MGLL: variants seen among roughly 807,000 people sequenced by gnomAD.
MGLL encodes lysophospholipase homolog.
A neutral mutation model predicts 29.1 loss-of-function variants in MGLL; 7 were observed. The observed-to-expected ratio is 0.24, with a 90% CI of 0.14 to 0.45. The LOEUF (loss-of-function observed/expected upper bound fraction) is 0.45, where lower values mean the gene tolerates loss of function less well. Ranked by LOEUF, MGLL falls within the 20% of genes least tolerant of loss-of-function variation. MGLL has a pLI of 0.99. For missense variants in MGLL, 356 were observed against 413.6 expected, an observed-to-expected ratio of 0.86 and a Z score of 1.21; for synonymous variants, 148 against 168.3, an observed-to-expected ratio of 0.88 and a Z score of 0.93.
chr3:127,738,596 TC>T (rs2076284633), intron 3 of MGLL, among the ~76,000 whole-genome samples: 1 of 152,134 alleles, frequency 6.6e-6, no homozygotes, highest in Non-Finnish European at 1.5e-5. Flanking sequence ...TGGGTCCCAC[TC>T]CTTGGGCCTG....
intron 3 of MGLL, among the ~76,000 whole-genome samples, chr3:127,777,182 C>T (rs1043058656): frequency 1.3e-5 from 2 of 152,176 alleles, no homozygotes; most frequent in African/African-American, 4.8e-5. Context: ...GATGCCAATA[C>T]TAATAGCCTT....
intron 5 of MGLL, chr3:127,712,133 G>A (rs1453347304): frequency 6.6e-6 from 1 of 152,286 alleles, no homozygotes; most frequent in African/African-American, 2.4e-5. Flanking sequence ...CCGGGCTGGG[G>A]GGCCGCTTTA....
At chr3:127,783,307 C>T (rs1047157120) in intron 2 of MGLL, among the ~76,000 whole-genome samples, 1 of 152,186 alleles carries the variant, frequency 6.6e-6, no homozygotes, top group Non-Finnish European at 1.5e-5. Flanking sequence ...GACGCTGCCT[C>T]GGCGGAGGCT....
chr3:127,724,155 G>A (rs1028250177), intron 3 of MGLL, among the ~76,000 whole-genome samples: 17 of 152,138 alleles, frequency 1.1e-4, no homozygotes, highest in Non-Finnish European at 8.8e-5. Context: ...GTGGTCCTTT[G>A]TTATGGAAGC....
intron 3 of MGLL, among the ~76,000 whole-genome samples, chr3:127,741,364 CCTGAGTGTGGCG>C (rs1004042633): frequency 6.6e-6 from 1 of 152,184 alleles, no homozygotes; most frequent in African/African-American, 2.4e-5. Context: ...GTGGGGTGGC[CCTGAGTGTGGCG>C]CTGGATGCCA....
intron 3 of MGLL, among the ~76,000 whole-genome samples, chr3:127,727,606 G>A (rs1286695661): frequency 6.7e-6 from 1 of 150,008 alleles, no homozygotes; most frequent in East Asian, 2.0e-4. Context: ...CAGCTAGTCA[G>A]GAAGTTGAGG....
intron 2 of MGLL, among the ~76,000 whole-genome samples, chr3:127,813,577 T>C (rs73862362): frequency 0.031 from 4,660 of 152,274 alleles, 221 homozygotes; most frequent in African/African-American, 0.11. Context: ...AACTTCTGGA[T>C]GAAAAGCCTG....
At chr3:127,808,912 CA>C (rs751253740) in intron 2 of MGLL, among the ~76,000 whole-genome samples, 1 of 152,206 alleles carries the variant, frequency 6.6e-6, no homozygotes, top group Non-Finnish European at 1.5e-5. Context: ...CATTTGGATC[CA>C]TCTGGCTGAA....
At position 127,691,457 on chromosome 3, in the gene MGLL, G is replaced by C. The variant is rs2075240646; in HGVS notation, c.*741C>G. On this transcript the variant is annotated 3_prime_UTR_variant, in exon 8 of 8. Coordinates refer to ENST00000265052, the MANE Select transcript of MGLL (RefSeq NM_007283.7). ...GTAAAATTAGTGACTCTAGAGGAAA[G>C]GCAGCCTTTGTGAGTACAGGCGGCA... 6.6e-6 allele frequency: 1 copy of C among 152,300 alleles called. No individual in the cohort carries two copies. Among genetic ancestry groups the C allele is most frequent in the Non-Finnish European group, 1.5e-5 (1 of 68,130 alleles). The allele number at this position is 152,300 out of a possible 1,614,324, so 9.4% of individuals were successfully genotyped here.
intron 2 of MGLL, among the ~76,000 whole-genome samples, chr3:127,797,141 T>C (rs11715363): frequency 0.22 from 33,754 of 151,906 alleles, 4,163 homozygotes; most frequent in African/African-American, 0.32. Flanking sequence ...CTGTGCCACA[T>C]ACATGACTGT....
At chr3:127,798,419 G>T (rs2107733358) in intron 2 of MGLL, among the ~76,000 whole-genome samples, 1 of 152,184 alleles carries the variant, frequency 6.6e-6, no homozygotes, top group East Asian at 1.9e-4. Context: ...TACCCTGCTG[G>T]GACCCCAGGG....
chr3:127,779,515 G>GAAAAGTCT (rs2077088659), intron 3 of MGLL, among the ~76,000 whole-genome samples: 2 of 149,460 alleles, frequency 1.3e-5, no homozygotes, highest in African/African-American at 4.9e-5. Context: ...TTTTTTCTTA[G>GAAAAGTCT]AAAAGTCTAG....
chr3:127,689,253 G>A lies in MGLL; in HGVS notation c.*2945C>T, dbSNP rs1304251149. ...CCAACAAGGTCTATGTTAGCAATTG[G>A]TGAAAGAAGAAGAGAGTGAGATGGG... On this transcript the variant is annotated 3_prime_UTR_variant, in exon 8 of 8. Transcript: ENST00000265052. 6.6e-6 allele frequency: 1 copy of A among 152,230 alleles called. No homozygotes were observed. Among genetic ancestry groups the A allele is most frequent in the Non-Finnish European group, 1.5e-5 (1 of 68,046 alleles). The allele number at this position is 152,230 out of a possible 1,614,324, so 9.4% of individuals were successfully genotyped here. A position where few individuals can be genotyped will look rare whatever the true frequency, so the allele number is the denominator to read the frequency against.
rs527611702 is a variant in MGLL at position 127,718,553 on chromosome 3, C to G, written c.510+2500G>C. Reference sequence around the variant, plus strand: ...GGTAGGTCCTGATGGGGAAGGAGCACCAAAAGGTTGCTAAGCAAAACCACC... The same window carrying G: ...GGTAGGTCCTGATGGGGAAGGAGCAGCAAAAGGTTGCTAAGCAAAACCACC... On this transcript the variant is annotated intron_variant, in intron 5 of 7. Coordinates refer to ENST00000265052, the MANE Select transcript of MGLL (RefSeq NM_007283.7). Among the ~76,000 whole-genome samples, 13 of 152,298 alleles carry G rather than the reference C, an allele frequency of 8.5e-5. No individual in the cohort carries two copies. In the East Asian group the frequency reaches 2.3e-3, roughly 27 times the overall value.
intron 3 of MGLL, among the ~76,000 whole-genome samples, chr3:127,771,675 C>T (rs774337986): frequency 5.9e-5 from 9 of 152,152 alleles, no homozygotes; most frequent in Non-Finnish European, 1.0e-4. Context: ...TAGCTTTAAA[C>T]GTTTTCATCT....
chr3:127,803,377 G>A (rs2077512398), intron 2 of MGLL, among the ~76,000 whole-genome samples: 1 of 152,222 alleles, frequency 6.6e-6, no homozygotes, highest in Non-Finnish European at 1.5e-5. Context: ...GGAACAAGCA[G>A]TGGGGTGGGG....
At chr3:127,789,894 C>T (rs2077272605) in intron 2 of MGLL, among the ~76,000 whole-genome samples, 1 of 152,178 alleles carries the variant, frequency 6.6e-6, no homozygotes, top group African/African-American at 2.4e-5. Flanking sequence ...ACAACTCAGA[C>T]CCAGAACAAC....
At chr3:127,748,973 G>T (rs191701188) in intron 3 of MGLL, among the ~76,000 whole-genome samples, 5 of 152,268 alleles carry the variant, frequency 3.3e-5, no homozygotes, top group Admixed American at 3.3e-4. Flanking sequence ...AACCCTTGTA[G>T]ATAGCACCTC....
At chr3:127,712,668 T>C (rs2075740362) in intron 5 of MGLL, 1 of 152,262 alleles carries the variant, frequency 6.6e-6, no homozygotes, top group Admixed American at 6.5e-5. Context: ...GACTGTCTAG[T>C]ATAGAAGCAT....
Sources: gnomAD v4.1 joint callset for allele counts (sites outside exome capture counted in the v4.1 genomes callset) on GRCh38, gnomAD v4.1.1 for gene constraint, MANE v1.5 for transcripts, NCBI Gene and HGNC (gene_info 2026-07-23, HGNC 2026-07-21) for gene names.